DRC1: variants seen among roughly 807,000 people sequenced by gnomAD.
The protein encoded by DRC1 is dynein regulatory complex protein 1.
A neutral mutation model predicts 98.7 loss-of-function variants in DRC1; 74 were observed. The observed-to-expected ratio is 0.75, with a 90% CI of 0.62 to 0.91. DRC1 has a LOEUF of 0.91. DRC1 is among the 40% of genes least tolerant of loss of function. DRC1 has a pLI of 0.00. For synonymous variants in DRC1, 336 were observed against 334.1 expected (o/e 1.01, Z -0.06); for missense variants, 875 against 886.0 (o/e 0.99, Z 0.16).
chr2:26,421,078 G>T (rs1304468490), intron 2 of DRC1: 1 of 398,744 alleles, frequency 2.5e-6, no homozygotes, highest in Non-Finnish European at 4.7e-6. Context: ...ACTGCAGAGT[G>T]CTTTTAAATT....
intron 2 of DRC1, among the ~76,000 whole-genome samples, chr2:26,415,119 C>T (rs1020354944): frequency 6.6e-6 from 1 of 152,068 alleles, no homozygotes; most frequent in Non-Finnish European, 1.5e-5. Context: ...TTTTTGTAGC[C>T]GTGGGGTAGT....
intron 16 of DRC1, among the ~76,000 whole-genome samples, chr2:26,456,020 A>T (rs1440604267): frequency 5.3e-5 from 8 of 152,366 alleles, no homozygotes; most frequent in South Asian, 4.1e-4. Flanking sequence ...CCCAGGCCAC[A>T]GCTGAAAGTG....
At chr2:26,408,334 G>A (rs1301282672) in intron 1 of DRC1, among the ~76,000 whole-genome samples, 1 of 152,168 alleles carries the variant, frequency 6.6e-6, no homozygotes, top group Non-Finnish European at 1.5e-5. Flanking sequence ...GGGATTCAGG[G>A]AAAATATGCA....
chr2:26,427,087 G>A (rs1400940765), intron 4 of DRC1, among the ~76,000 whole-genome samples: 1 of 152,052 alleles, frequency 6.6e-6, no homozygotes, highest in Non-Finnish European at 1.5e-5. Flanking sequence ...ATATAAGAAT[G>A]CAACTGATTT....
intron 11 of DRC1, 27 bp from the exon 12 acceptor site, chr2:26,449,969 A>C (rs1663957807): frequency 1.2e-6 from 2 of 1,606,202 alleles, no homozygotes; most frequent in East Asian, 2.2e-5. Context: ...TGTCCCCGAC[A>C]GGAGATGCCT....
chr2:26,456,474 T>C lies in DRC1; in HGVS notation c.2180T>C (p.Leu727Pro), dbSNP rs1409791149. 6.2e-7 allele frequency: 1 copy of C among 1,614,076 alleles called. No homozygotes were observed. The highest frequency in any genetic ancestry group is 1.7e-5 in the Admixed American group (1 of 60,002). ...QYLNSKINSE[L>P]QVPPTQVLRV... is the part of the protein sequence containing the mutation. ...TTTCTTTTCCAGATCAACTCTGAACTGCAAGTTCCTCCCACTCAGGTGTTG... is the reference window on the plus strand; with the variant it reads ...TTTCTTTTCCAGATCAACTCTGAACCGCAAGTTCCTCCCACTCAGGTGTTG... The change falls in exon 17 of 17, where the codon CTG (leucine) becomes CCG (proline). Residue 727 changes from leucine to proline, a missense_variant. Leu to Pro is a moderately conservative substitution (Grantham distance 98, BLOSUM62 -3). Coordinates refer to ENST00000288710, the MANE Select transcript of DRC1 (RefSeq NM_145038.5).
intron 4 of DRC1, among the ~76,000 whole-genome samples, chr2:26,425,081 C>T (rs1208009082): frequency 6.6e-6 from 1 of 152,178 alleles, no homozygotes; most frequent in African/African-American, 2.4e-5. Context: ...CACCAATTCC[C>T]TCTTCCACTT....
chr2:26,412,729 T>C (rs1206722184), intron 1 of DRC1, among the ~76,000 whole-genome samples: 1 of 152,238 alleles, frequency 6.6e-6, no homozygotes, highest in Non-Finnish European at 1.5e-5. Context: ...TATTCGTTTG[T>C]CATATATACT....
At chr2:26,426,217 T>C (rs1008544182) in intron 4 of DRC1, among the ~76,000 whole-genome samples, 25 of 152,306 alleles carry the variant, frequency 1.6e-4, no homozygotes, top group African/African-American at 6.0e-4. Context: ...TTATGTATCA[T>C]TCATTTATCA....
At chr2:26,411,398 G>C (rs76762219) in intron 1 of DRC1, among the ~76,000 whole-genome samples, 256 of 152,198 alleles carry the variant, frequency 1.7e-3, no homozygotes, top group African/African-American at 5.9e-3. Context: ...TTTGTTCAAA[G>C]TCTTCAAAAT....
chr2:26,444,898 A>G lies in DRC1; in HGVS notation c.1346A>G (p.Gln449Arg), dbSNP rs1198637129. Reference sequence around the variant, plus strand: ...AACAATGTTGGGCCTATTTCTCAGCAGCCCCAGAAGTCCGCCACACAGATA... The same window carrying G: ...AACAATGTTGGGCCTATTTCTCAGCGGCCCCAGAAGTCCGCCACACAGATA... ...FLNNVGPISQ[Q>R]PQKSATQIVE... Residue 449 changes from glutamine (Q) to arginine (R), a missense_variant, in exon 10 of 17, where the codon CAG becomes CGG. By Grantham distance (43) the Gln-to-Arg change is conservative. Coordinates refer to ENST00000288710, the MANE Select transcript of DRC1 (RefSeq NM_145038.5). 1 of 1,614,132 alleles carries G rather than the reference A, an allele frequency of 6.2e-7. No individual in the cohort carries two copies. The highest frequency in any genetic ancestry group is 8.5e-7 in the Non-Finnish European group (1 of 1,180,058).
In DRC1 at chr2:26,456,552, C is replaced by A. The variant is rs765284856; in HGVS notation, c.*35C>A. The A allele has an allele frequency of 1.2e-6, 2 of 1,613,054 alleles. No homozygotes were observed. The highest frequency in any genetic ancestry group is 1.7e-6 in the Non-Finnish European group (2 of 1,179,162). On this transcript the variant is annotated 3_prime_UTR_variant, in exon 17 of 17. Coordinates refer to ENST00000288710, the MANE Select transcript of DRC1 (RefSeq NM_145038.5). ...CCAAAGGCTGATGTGTTAGGGCTGG[C>A]CTGATGCTGGTGTCTGTGCCGGAGC...
intron 1 of DRC1, among the ~76,000 whole-genome samples, chr2:26,405,880 G>A (rs879647764): frequency 4.6e-5 from 7 of 151,856 alleles, no homozygotes; most frequent in East Asian, 1.9e-4. Flanking sequence ...GGCTAGTCTC[G>A]AACTCCTGGC....
At position 26,424,266 on chromosome 2, in the gene DRC1, T is replaced by C. The variant is rs1158341693; in HGVS notation, c.357-5T>C. On this transcript the variant is annotated splice_region_variant and splice_polypyrimidine_tract_variant and intron_variant, in intron 3 of 16. Coordinates refer to ENST00000288710, the MANE Select transcript of DRC1 (RefSeq NM_145038.5). ...TTGGCATGGCTGGCATGTATGTATTTGCAGGATTGAGAAGCTGGAGAATGA... is the reference window on the plus strand; with the variant it reads ...TTGGCATGGCTGGCATGTATGTATTCGCAGGATTGAGAAGCTGGAGAATGA... The C allele has an allele frequency of 1.2e-6, 2 of 1,613,786 alleles. No homozygotes were observed. Among genetic ancestry groups the C allele is most frequent in the Non-Finnish European group, 1.7e-6 (2 of 1,179,970 alleles).
At chr2:26,422,405 A>G (rs1572362084) in intron 3 of DRC1, among the ~76,000 whole-genome samples, 2 of 152,322 alleles carry the variant, frequency 1.3e-5, no homozygotes, top group East Asian at 3.9e-4. Flanking sequence ...GGAGGTTCAC[A>G]GGGATCACAA....
At chr2:26,440,244 A>T (rs1663680929) in intron 7 of DRC1, 134 bp from the exon 8 acceptor site, 1 of 1,172,874 alleles carries the variant, frequency 8.5e-7, no homozygotes, top group African/African-American at 1.6e-5. Flanking sequence ...ACCTATATAA[A>T]GCATGTTCCC....
intron 7 of DRC1, among the ~76,000 whole-genome samples, chr2:26,435,253 G>A (rs762449410): frequency 3.9e-5 from 6 of 152,208 alleles, no homozygotes; most frequent in African/African-American, 1.2e-4. Flanking sequence ...TACCTTTACC[G>A]TAGAAGGACT....
intron 16 of DRC1, among the ~76,000 whole-genome samples, chr2:26,455,604 G>A (rs912665416): frequency 3.3e-5 from 5 of 152,224 alleles, no homozygotes; most frequent in Non-Finnish European, 5.9e-5. Context: ...TGGACAGGGC[G>A]GAAACAATGC....
intron 2 of DRC1, among the ~76,000 whole-genome samples, chr2:26,415,175 C>T (rs544131111): frequency 4.6e-5 from 7 of 152,254 alleles, no homozygotes; most frequent in Non-Finnish European, 2.9e-5. Flanking sequence ...TCATTGATTA[C>T]CCTCCATGGC....
Sources: allele counts gnomAD v4.1 joint callset (sites outside exome capture counted in the v4.1 genomes callset), GRCh38; gene constraint gnomAD v4.1.1; transcripts MANE v1.5; gene names NCBI Gene and HGNC (gene_info 2026-07-23, HGNC 2026-07-21).